The following CNKSR3 variants were observed in gnomAD, a reference collection of about 807,000 sequenced individuals.
The protein encoded by CNKSR3 is connector enhancer of kinase suppressor of ras 3.
A neutral mutation model predicts 67.7 loss-of-function variants in CNKSR3; 36 were observed. The ratio of observed to expected loss-of-function variants is 0.53; its 90% confidence interval spans 0.41 to 0.70. The LOEUF (loss-of-function observed/expected upper bound fraction) is 0.70, where lower values mean the gene tolerates loss of function less well. Among genes scored for constraint, CNKSR3 ranks in the 30% least tolerant of loss-of-function variants. CNKSR3 has a pLI of 0.00. For missense variants in CNKSR3, 630 were observed against 695.2 expected (o/e 0.91, Z 1.05); for synonymous variants, 281 against 271.4 (o/e 1.04, Z -0.35).
Position 154,450,233 on chromosome 6 carries a change from A to G in CNKSR3, c.78T>C (p.Tyr26=), listed in dbSNP as rs747357014. The G allele has an allele frequency of 1.1e-5, 18 of 1,613,948 alleles. No individual in the cohort carries two copies. The highest frequency in any genetic ancestry group is 1.5e-5 in the Non-Finnish European group (18 of 1,179,998). ...TRGLDDCLQQ[Y]VHKFEREKIN... The stretch of plus-strand genomic sequence containing the variant: ...TCTTCTCTCGTTCAAACTTGTGGAC[A>G]TATTGTTGCAGGCAGTCATCCAACC... Residue 26 remains tyrosine, a synonymous_variant, in exon 2 of 13, where the codon TAT becomes TAC. Coordinates refer to ENST00000607772, the MANE Select transcript of CNKSR3 (RefSeq NM_173515.4).
Position 154,393,583 on chromosome 6 carries a change from A to G in CNKSR3, c.*12771T>C, listed in dbSNP as rs1420002021. 6.6e-6 allele frequency: 1 copy of G among 152,168 alleles called. No homozygotes were observed. The highest frequency in any genetic ancestry group is 1.5e-5 in the Non-Finnish European group (1 of 68,034). The allele number at this position is 152,168 out of a possible 1,614,324, so 9.4% of individuals were successfully genotyped here. On this transcript the variant is annotated 3_prime_UTR_variant, in exon 13 of 13. Coordinates refer to ENST00000607772, the MANE Select transcript of CNKSR3 (RefSeq NM_173515.4). ...TACTGCTAACCCTTAGGACTTTTTA[A>G]TCTTCTCCCAATTTGTAACTTTTTA...
At chr6:154,421,047 T>A (rs529182088) in intron 9 of CNKSR3, among the ~76,000 whole-genome samples, 18 of 152,340 alleles carry the variant, frequency 1.2e-4, no homozygotes, top group African/African-American at 4.3e-4. Flanking sequence ...AGGGTCTCAC[T>A]CTGTCATCCA....
At chr6:154,469,516 C>T (rs1422345435) in intron 1 of CNKSR3, among the ~76,000 whole-genome samples, 1 of 152,148 alleles carries the variant, frequency 6.6e-6, no homozygotes, top group Non-Finnish European at 1.5e-5. Flanking sequence ...GGAAAAGCAC[C>T]ATCCTATTAA....
intron 12 of CNKSR3, among the ~76,000 whole-genome samples, chr6:154,407,262 G>A (rs550226726): frequency 1.3e-5 from 2 of 152,336 alleles, no homozygotes; most frequent in East Asian, 3.9e-4. Context: ...TTTATGCATT[G>A]TTTAATGCAG....
chr6:154,458,086 T>C (rs1326163433), intron 1 of CNKSR3, among the ~76,000 whole-genome samples: 1 of 152,182 alleles, frequency 6.6e-6, no homozygotes, highest in Non-Finnish European at 1.5e-5. Context: ...CTCTGGCTGC[T>C]TTTGTACTAC....
chr6:154,427,496 C>T (rs9322464), intron 7 of CNKSR3, among the ~76,000 whole-genome samples: 61,023 of 152,068 alleles, frequency 0.4, 12,803 homozygotes, highest in Non-Finnish European at 0.47. Flanking sequence ...AAGAAGAAAG[C>T]ATTCAACCAG....
At chr6:154,481,119 T>A (rs964286912) in intron 1 of CNKSR3, among the ~76,000 whole-genome samples, 5 of 152,070 alleles carry the variant, frequency 3.3e-5, no homozygotes, top group Non-Finnish European at 7.4e-5. Context: ...TGTATTTGCT[T>A]ATTTATTTGT....
At chr6:154,435,615 G>C (rs903514468) in intron 4 of CNKSR3, among the ~76,000 whole-genome samples, 1 of 152,252 alleles carries the variant, frequency 6.6e-6, no homozygotes, top group Admixed American at 6.5e-5. Flanking sequence ...AGAGGAAGCA[G>C]CTGCAGGCAT....
intron 2 of CNKSR3, among the ~76,000 whole-genome samples, chr6:154,445,525 T>C (rs1420543290): frequency 6.6e-6 from 1 of 152,222 alleles, no homozygotes; most frequent in Non-Finnish European, 1.5e-5. Context: ...TGAAGAGTTT[T>C]GAACTAAAAG....
chr6:154,451,196 T>C (rs933080747), intron 1 of CNKSR3, among the ~76,000 whole-genome samples: 15 of 152,228 alleles, frequency 9.9e-5, no homozygotes, highest in Admixed American at 3.9e-4. Context: ...TTAATGCTTG[T>C]ATATAATGAC....
At chr6:154,472,197 G>C (rs1432472469) in intron 1 of CNKSR3, among the ~76,000 whole-genome samples, 1 of 152,080 alleles carries the variant, frequency 6.6e-6, no homozygotes, top group Non-Finnish European at 1.5e-5. Flanking sequence ...ACAATGCACT[G>C]GTTGTGCTTA....
chr6:154,494,345 C>A (rs1199567797), intron 1 of CNKSR3, among the ~76,000 whole-genome samples: 2 of 152,128 alleles, frequency 1.3e-5, no homozygotes, highest in African/African-American at 4.8e-5. Context: ...CCCCATGATT[C>A]AATAACCTCT....
At chr6:154,427,199 A>G (rs1018210642) in intron 7 of CNKSR3, among the ~76,000 whole-genome samples, 2 of 152,200 alleles carry the variant, frequency 1.3e-5, no homozygotes, top group South Asian at 4.1e-4. Flanking sequence ...TTTTCTCACT[A>G]CAAACATCAA....
At chr6:154,468,432 A>ACACC (rs563684161) in intron 1 of CNKSR3, among the ~76,000 whole-genome samples, 8 of 142,766 alleles carry the variant, frequency 5.6e-5, no homozygotes, top group African/African-American at 2.0e-4. Flanking sequence ...ACACACACAC[A>ACACC]CCATGACCAT....
At chr6:154,453,732 G>C (rs115773263) in intron 1 of CNKSR3, among the ~76,000 whole-genome samples, 3,431 of 152,076 alleles carry the variant, frequency 0.023, 71 homozygotes, top group African/African-American at 0.053. Flanking sequence ...AAACTATTAC[G>C]CAGTCCCACA....
At chr6:154,494,413 T>C (rs1322016406) in intron 1 of CNKSR3, among the ~76,000 whole-genome samples, 3 of 152,168 alleles carry the variant, frequency 2.0e-5, no homozygotes, top group African/African-American at 2.4e-5. Flanking sequence ...AAGATGAGAT[T>C]TGGTTGGGGA....
chr6:154,499,012 G>A (rs1428550298), intron 1 of CNKSR3, among the ~76,000 whole-genome samples: 7 of 152,242 alleles, frequency 4.6e-5, no homozygotes, highest in Middle Eastern at 3.4e-3. Flanking sequence ...AGGTCCTTTC[G>A]GACCCATGAA....
chr6:154,504,789 C>T (rs1046103774), intron 1 of CNKSR3, among the ~76,000 whole-genome samples: 2 of 151,696 alleles, frequency 1.3e-5, no homozygotes, highest in Non-Finnish European at 1.5e-5. Flanking sequence ...GTGGGAGGAT[C>T]ACTTGAGCTC....
chr6:154,442,150 C>T lies in CNKSR3; in HGVS notation c.357G>A (p.Glu119=). The change falls in exon 3 of 13, where the codon GAG becomes GAA. Residue 119 remains glutamate, a synonymous_variant. Coordinates refer to ENST00000607772, the MANE Select transcript of CNKSR3 (RefSeq NM_173515.4). ...DGNTSRKAPN[E]FLTSVVELIG... is the part of the protein sequence containing the mutation. Reference sequence around the variant, plus strand: ...TGAGCTCCACCACCGAGGTCAGGAACTCATTGGGGGCCTTGCGGGAGGTGT... The same window carrying T: ...TGAGCTCCACCACCGAGGTCAGGAATTCATTGGGGGCCTTGCGGGAGGTGT... The T allele has an allele frequency of 1.2e-6, 2 of 1,614,124 alleles. No individual in the cohort carries two copies. The highest frequency in any genetic ancestry group is 1.7e-6 in the Non-Finnish European group (2 of 1,179,966).
Sources: allele counts gnomAD v4.1 joint callset (sites outside exome capture counted in the v4.1 genomes callset), GRCh38; gene constraint gnomAD v4.1.1; transcripts MANE v1.5; gene names NCBI Gene and HGNC (gene_info 2026-07-23, HGNC 2026-07-21).